FKBP1A: variants seen among roughly 807,000 people sequenced by gnomAD.
FKBP1A encodes the protein FKBP prolyl isomerase 1A, also known as peptidyl-prolyl cis-trans isomerase FKBP1A.
In FKBP1A, 5 loss-of-function variants were observed where a neutral mutation model predicts 14.2. The ratio of observed to expected loss-of-function variants is 0.35; its 90% CI spans 0.18 to 0.74. The LOEUF is 0.74. FKBP1A is among the 30% of genes least tolerant of loss of function. The probability of loss-of-function intolerance (pLI) is 0.56; values close to 1 mark genes in which losing one functional copy is unlikely to be tolerated. For synonymous variants in FKBP1A, 42 were observed against 49.1 expected (o/e 0.86, Z 0.60); for missense variants, 53 against 138.8 (o/e 0.38, Z 3.10).
chr20:1,370,165 C>T lies in FKBP1A; in HGVS notation c.*37-93G>A, dbSNP rs2089444349. On this transcript the variant is annotated intron_variant, in intron 4 of 4. Coordinates refer to ENST00000400137, the MANE Select transcript of FKBP1A (RefSeq NM_000801.5). ...ACGATGCCATCTGCCACGCCAAATCCCTTCCCCAACAGCTGAGCAGTCTGA... is the reference window on the plus strand; with the variant it reads ...ACGATGCCATCTGCCACGCCAAATCTCTTCCCCAACAGCTGAGCAGTCTGA... The T allele has an allele frequency of 2.7e-6, 4 of 1,505,274 alleles. No individual in the cohort carries two copies. In the Admixed American group the frequency reaches 8.4e-5, roughly 31 times the overall value. The allele number at this position is 1,505,274 out of a possible 1,614,324, so 93.2% of individuals were successfully genotyped here. A position where few individuals can be genotyped will look rare whatever the true frequency, so the allele number is the denominator to read the frequency against.
At position 1,386,231 on chromosome 20, in the gene FKBP1A, A is replaced by G. The variant is rs1230582028; in HGVS notation, c.85+6603T>C. Among the ~76,000 whole-genome samples the G allele has an allele frequency of 3.9e-5, 6 of 152,194 alleles. No individual in the cohort carries two copies. The highest frequency in any genetic ancestry group is 3.9e-4 in the Admixed American group (6 of 15,288). Reference sequence around the variant, plus strand: ...AAGACCAAATGGCACTTCCTCCAAGAAGTTCTAGCCTATAGGTGTAGGTTG... The same window carrying G: ...AAGACCAAATGGCACTTCCTCCAAGGAGTTCTAGCCTATAGGTGTAGGTTG... On this transcript the variant is annotated intron_variant, in intron 2 of 4. Coordinates refer to ENST00000400137, the MANE Select transcript of FKBP1A (RefSeq NM_000801.5). This position sits in a 1 kb window ranked among gnomAD's most constrained non-coding sequence, Gnocchi z 4.7.
rs1052976810 is a variant in FKBP1A at position 1,369,840 on chromosome 20, C to G, written c.*269G>C. On this transcript the variant is annotated 3_prime_UTR_variant, in exon 5 of 5. Transcript: ENST00000400137. Reference sequence around the variant, plus strand: ...AAAGACTGAAACTGAATCTTCACCCCAAAATGAAAACAAAATAAAATGAAT... The same window carrying G: ...AAAGACTGAAACTGAATCTTCACCCGAAAATGAAAACAAAATAAAATGAAT... 1.7e-6 allele frequency: 1 copy of G among 579,564 alleles called. No individual in the cohort carries two copies. The highest frequency in any genetic ancestry group is 1.9e-5 in the African/African-American group (1 of 52,356). 35.9% of individuals were successfully genotyped at this position (579,564 alleles called of 1,614,324 possible).
intron 2 of FKBP1A, among the ~76,000 whole-genome samples, chr20:1,388,955 G>A (rs2089700574): frequency 6.6e-6 from 1 of 152,128 alleles, no homozygotes; most frequent in African/African-American, 2.4e-5. Flanking sequence ...CCAGCCTCAG[G>A]GTCCTGCACT....
intron 2 of FKBP1A, among the ~76,000 whole-genome samples, chr20:1,387,439 C>CA (rs2089679237): frequency 6.6e-6 from 1 of 152,062 alleles, no homozygotes; most frequent in East Asian, 1.9e-4. Context: ...AAGGCCCTGA[C>CA]AAAAAATTTC....
chr20:1,383,313 A>G (rs1448930919), intron 2 of FKBP1A, among the ~76,000 whole-genome samples: 1 of 151,616 alleles, frequency 6.6e-6, no homozygotes, highest in Non-Finnish European at 1.5e-5. Flanking sequence ...TATAGGCAGC[A>G]TTTTACAGGG....
intron 3 of FKBP1A, chr20:1,373,142 C>T (rs1351340623): frequency 2.0e-5 from 3 of 152,214 alleles, no homozygotes. Flanking sequence ...CCCTCAGAAG[C>T]TGGGACATGT....
chr20:1,389,833 T>A (rs908148289), intron 2 of FKBP1A, among the ~76,000 whole-genome samples: 1 of 152,130 alleles, frequency 6.6e-6, no homozygotes, highest in East Asian at 1.9e-4. Flanking sequence ...GGAGGCGCCA[T>A]GAGAATTCCC....
At chr20:1,385,749 G>A (rs1035501970) in intron 2 of FKBP1A, among the ~76,000 whole-genome samples, 12 of 152,156 alleles carry the variant, frequency 7.9e-5, no homozygotes, top group Non-Finnish European at 1.6e-4. Context: ...CCAGAACATT[G>A]TTTCCTTATG....
intron 2 of FKBP1A, chr20:1,378,635 G>A (rs1398445999): frequency 1.3e-5 from 2 of 152,052 alleles, no homozygotes; most frequent in African/African-American, 4.8e-5. Flanking sequence ...TGGGACCAGG[G>A]GATATATGGG....
At chr20:1,373,901 C>G (rs1404425010) in intron 3 of FKBP1A, among the ~76,000 whole-genome samples, 1 of 152,196 alleles carries the variant, frequency 6.6e-6, no homozygotes, top group Non-Finnish European at 1.5e-5. Context: ...AAGTAAACTA[C>G]AAAGCCTCTT....
intron 2 of FKBP1A, among the ~76,000 whole-genome samples, chr20:1,392,632 A>G (rs2089753348): frequency 6.6e-6 from 1 of 152,108 alleles, no homozygotes; most frequent in African/African-American, 2.4e-5. Context: ...CGACGCTCAC[A>G]GCCGCCGATT....
intron 2 of FKBP1A, among the ~76,000 whole-genome samples, chr20:1,388,668 T>A (rs2122707164): frequency 6.8e-6 from 1 of 146,584 alleles, no homozygotes; most frequent in Non-Finnish European, 1.5e-5. Flanking sequence ...TCCACACACC[T>A]GGGATACAAC....
rs2089602027 is a variant in FKBP1A, at chr20:1,380,244, C to T, written c.86-4641G>A. 2.0e-5 allele frequency among the ~76,000 whole-genome samples: 3 copies of T among 152,030 alleles called. 1 individual carries two copies. The South Asian group carries it at 6.2e-4, about 32-fold the overall frequency. On this transcript the variant is annotated intron_variant, in intron 2 of 4. Coordinates refer to ENST00000400137, the MANE Select transcript of FKBP1A (RefSeq NM_000801.5). ...CCTTGGGAGTTTCCAGGGAGAGGGA[C>T]CTGGAGTGGAGCTCAAGGCACCTAG... is the stretch of plus-strand genomic sequence containing the variant.
rs1490338566 is a variant in FKBP1A at position 1,373,782 on chromosome 20, GT to G, written c.199-1543del. 2.0e-5 allele frequency among the ~76,000 whole-genome samples: 3 copies of G among 152,226 alleles called. No individual in the cohort carries two copies. In the East Asian group the frequency reaches 5.8e-4, roughly 29 times the overall value. On this transcript the variant is annotated intron_variant, in intron 3 of 4. Coordinates refer to ENST00000400137, the MANE Select transcript of FKBP1A (RefSeq NM_000801.5). The stretch of plus-strand genomic sequence containing the variant: ...GAGCAGTCACAGAAGATGGGTTGTG[GT>G]ATGAACAATGGCTGGCATGAAAGAT...
At chr20:1,381,836 G>T (rs1271925416) in intron 2 of FKBP1A, among the ~76,000 whole-genome samples, 2 of 152,152 alleles carry the variant, frequency 1.3e-5, no homozygotes, top group Non-Finnish European at 2.9e-5. Context: ...CGTACTGTAT[G>T]ATTCCATTTA....
Position 1,379,088 on chromosome 20 carries a change from C to CT in FKBP1A, c.86-3486dup, listed in dbSNP as rs1223516776. ...CCACAATTTGGAAAGTACGGTATAC[C>CT]TATAAAAAATTAGCCTTATTTCTTG... On this transcript the variant is annotated intron_variant, in intron 2 of 4. Transcript: ENST00000400137. This position sits in a 1 kb window ranked among gnomAD's most constrained non-coding sequence, Gnocchi z 4.3. Among the ~76,000 whole-genome samples, 1 of 152,130 alleles carries CT rather than the reference C, an allele frequency of 6.6e-6. No homozygotes were observed. Among genetic ancestry groups the CT allele is most frequent in the Admixed American group, 6.5e-5 (1 of 15,268 alleles).
At chr20:1,384,214 T>C (rs905700616) in intron 2 of FKBP1A, among the ~76,000 whole-genome samples, 1 of 152,178 alleles carries the variant, frequency 6.6e-6, no homozygotes, top group African/African-American at 2.4e-5. Context: ...CTATATTTAC[T>C]GTGTAAATAT....
chr20:1,387,833 G>A (rs1327973760), intron 2 of FKBP1A, among the ~76,000 whole-genome samples: 1 of 152,036 alleles, frequency 6.6e-6, no homozygotes, highest in African/African-American at 2.4e-5. Context: ...CAGAGACACT[G>A]TCTCAAAAAA....
rs542780364 is a variant in FKBP1A, at chr20:1,393,018, C to T, written c.-20G>A. ...TCCCATGGCGGCGGCGGACGCTGAG[C>T]GGGCGGGCGGCGCGACGGGCGGCGT... On this transcript the variant is annotated 5_prime_UTR_variant, in exon 1 of 5. Coordinates refer to ENST00000400137, the MANE Select transcript of FKBP1A (RefSeq NM_000801.5). 6.9e-6 allele frequency: 10 copies of T among 1,450,456 alleles called. No homozygotes were observed. In the South Asian group the frequency reaches 1.4e-4, roughly 20 times the overall value. 89.8% of individuals were successfully genotyped at this position (1,450,456 alleles called of 1,614,324 possible). A position where few individuals can be genotyped will look rare whatever the true frequency, so the allele number is the denominator to read the frequency against.
Sources: allele counts gnomAD v4.1 joint callset (sites outside exome capture counted in the v4.1 genomes callset), GRCh38; gene constraint gnomAD v4.1.1; non-coding constraint Gnocchi (gnomAD v3.1); transcripts MANE v1.5; gene names NCBI Gene and HGNC (gene_info 2026-07-23, HGNC 2026-07-21).